Variants in NCAPD3 observed in about 807,000 individuals in gnomAD.
NCAPD3 encodes the protein condensin-2 complex subunit D3.
Under a neutral mutation model 182.9 loss-of-function variants are expected in NCAPD3, and 105 were observed. The ratio of observed to expected loss-of-function variants is 0.57; its 90% confidence interval spans 0.49 to 0.68. The LOEUF (loss-of-function observed/expected upper bound fraction) is 0.68, where lower values mean the gene tolerates loss of function less well. Ranked by LOEUF, NCAPD3 falls within the 30% of genes least tolerant of loss-of-function variation. The pLI, the probability that NCAPD3 is intolerant of heterozygous loss-of-function variation, is 0.00. For synonymous variants in NCAPD3, 815 were observed against 679.9 expected (o/e 1.20, Z -3.09); for missense variants, 1,944 against 1,837.0 (o/e 1.06, Z -1.07).
chr11:134,164,455 C>T (rs1322708759), intron 27 of NCAPD3, among the ~76,000 whole-genome samples: 1 of 152,208 alleles, frequency 6.6e-6, no homozygotes, highest in East Asian at 1.9e-4. Context: ...AGAGTTAAAG[C>T]CATCAGTAAG....
chr11:134,182,940 G>A, intron 19 of NCAPD3: 2 of 314,116 alleles, frequency 6.4e-6, no homozygotes, highest in East Asian at 9.5e-5. Context: ...GGTTGTGTCG[G>A]CAGATTAAAA....
At position 134,203,203 on chromosome 11, in the gene NCAPD3, A is replaced by G; in HGVS notation, c.1469-5T>C. The G allele has an allele frequency of 6.3e-7, 1 of 1,584,172 alleles. No homozygotes were observed. Among genetic ancestry groups the G allele is most frequent in the Non-Finnish European group, 8.7e-7 (1 of 1,153,576 alleles). The stretch of plus-strand genomic sequence containing the variant: ...CTATTACAGAAAACGTAGGACCTAA[A>G]AACAAGAAGAAAGATAAGAAGGAAG... On this transcript the variant is annotated splice_region_variant and splice_polypyrimidine_tract_variant and intron_variant, in intron 11 of 34. Coordinates refer to ENST00000534548, the MANE Select transcript of NCAPD3 (RefSeq NM_015261.3).
At position 134,202,909 on chromosome 11, in the gene NCAPD3, T is replaced by TAA; in HGVS notation, c.1526-6_1526-5dup. ...GTCTGCCTTTGGTAGGAAAAAGCTTTAAAAAAAAAATTACAGTCATTAAGC... is the reference window on the plus strand; with the variant it reads ...GTCTGCCTTTGGTAGGAAAAAGCTTTAAAAAAAAAAAATTACAGTCATTAAGC... On this transcript the variant is annotated splice_region_variant and splice_polypyrimidine_tract_variant and intron_variant, in intron 12 of 34. Coordinates refer to ENST00000534548, the MANE Select transcript of NCAPD3 (RefSeq NM_015261.3). 3.9e-6 allele frequency: 6 copies of TAA among 1,520,348 alleles called. No individual in the cohort carries two copies. Among genetic ancestry groups the TAA allele is most frequent in the Non-Finnish European group, 5.4e-6 (6 of 1,119,168 alleles). 94.2% of individuals were successfully genotyped at this position (1,520,348 alleles called of 1,614,324 possible). A position where few individuals can be genotyped will look rare whatever the true frequency, so the allele number is the denominator to read the frequency against.
chr11:134,210,300 C>T lies in NCAPD3; in HGVS notation c.537G>A (p.Arg179=). 6.2e-7 allele frequency: 1 copy of T among 1,613,724 alleles called. No individual in the cohort carries two copies. The highest frequency in any genetic ancestry group is 8.5e-7 in the Non-Finnish European group (1 of 1,179,924). ...SQANPGRHRK[R]GKPPRREDIE... is the part of the protein sequence containing the mutation. ...TATCTTCTCTCCTGGGTGGCTTTCC[C>T]CTTTTTCTATGCCTCCCGGGGTTAG... Residue 179 remains arginine, a synonymous_variant, in exon 4 of 35, where the codon AGG becomes AGA. Transcript: ENST00000534548.
chr11:134,196,515 G>A (rs1591850171), intron 13 of NCAPD3, among the ~76,000 whole-genome samples: 1 of 151,580 alleles, frequency 6.6e-6, no homozygotes, highest in Admixed American at 6.6e-5. Context: ...GTGTGGGGGC[G>A]GGTGCTTGTA....
At chr11:134,207,931 C>T (rs1047360472) in intron 7 of NCAPD3, among the ~76,000 whole-genome samples, 1 of 151,984 alleles carries the variant, frequency 6.6e-6, no homozygotes, top group African/African-American at 2.4e-5. Context: ...TATAAAATAC[C>T]GAATGTTTCT....
rs1285236005 is a variant in NCAPD3 at position 134,155,169 on chromosome 11, C to A, written c.4253-1806G>T. ...CCCCCACAGATTTTCAGTTAAAATC[C>A]TCGCTCTGAAAATTGACTAATTTTC... On this transcript the variant is annotated intron_variant, in intron 32 of 34. Coordinates refer to ENST00000534548, the MANE Select transcript of NCAPD3 (RefSeq NM_015261.3). 3.3e-5 allele frequency among the ~76,000 whole-genome samples: 5 copies of A among 152,116 alleles called. No individual in the cohort carries two copies. The East Asian group carries it at 9.6e-4, about 29-fold the overall frequency.
chr11:134,190,007 A>C (rs1245270492), intron 16 of NCAPD3, among the ~76,000 whole-genome samples: 2 of 152,228 alleles, frequency 1.3e-5, no homozygotes, highest in Admixed American at 1.3e-4. Flanking sequence ...ATTAAATGGA[A>C]GTCATTTACA....
At chr11:134,201,957 G>A (rs903044148) in intron 13 of NCAPD3, among the ~76,000 whole-genome samples, 4 of 152,150 alleles carry the variant, frequency 2.6e-5, no homozygotes, top group African/African-American at 7.2e-5. Context: ...TCCTCAGGGC[G>A]CTTTCTGTGC....
intron 22 of NCAPD3, chr11:134,177,882 C>CCTTTCTTTCTTTCTTT (rs35739849): frequency 0.072 from 11,043 of 153,334 alleles, 467 homozygotes; most frequent in Middle Eastern, 0.13. Flanking sequence ...ATGCATGTCC[C>CCTTTCTTTCTTTCTTT]CTTTCTTTCT....
At chr11:134,181,718 AAG>A (rs1944301255) in intron 19 of NCAPD3, among the ~76,000 whole-genome samples, 1 of 152,162 alleles carries the variant, frequency 6.6e-6, no homozygotes, top group Admixed American at 6.5e-5. Context: ...TATGCCAAGG[AAG>A]AGAGAGAGCT....
intron 27 of NCAPD3, among the ~76,000 whole-genome samples, chr11:134,165,769 G>A (rs1331229013): frequency 7.3e-6 from 1 of 137,416 alleles, no homozygotes; most frequent in Non-Finnish European, 1.5e-5. Context: ...CTTGGGGGAG[G>A]TACACACTCG....
intron 27 of NCAPD3, among the ~76,000 whole-genome samples, chr11:134,164,678 A>C (rs118039763): frequency 6.6e-6 from 1 of 150,564 alleles, no homozygotes; most frequent in Non-Finnish European, 1.5e-5. Context: ...GGGGAGCTGC[A>C]CACTCACTTG....
At chr11:134,189,871 CA>C (rs1412397139) in intron 16 of NCAPD3, among the ~76,000 whole-genome samples, 1 of 152,020 alleles carries the variant, frequency 6.6e-6, no homozygotes, top group African/African-American at 2.4e-5. Context: ...CTTCTTTTTG[CA>C]TTATTTTTCT....
At chr11:134,169,201 C>T (rs974593519) in intron 24 of NCAPD3, 147 bp from the exon 25 acceptor site, 16 of 713,892 alleles carry the variant, frequency 2.2e-5, no homozygotes, top group Admixed American at 7.6e-5. Flanking sequence ...CCCTCGGATC[C>T]AAAGAAGACA....
chr11:134,216,676 G>A (rs1938037728), intron 3 of NCAPD3, among the ~76,000 whole-genome samples: 1 of 152,052 alleles, frequency 6.6e-6, no homozygotes, highest in African/African-American at 2.4e-5. Flanking sequence ...GGTGGGCGTG[G>A]AACTCTTGCA....
intron 32 of NCAPD3, chr11:134,154,176 C>G (rs1263898533): frequency 6.6e-6 from 1 of 152,210 alleles, no homozygotes; most frequent in East Asian, 1.9e-4. Context: ...TGCTTAGCAT[C>G]GTGCTGGCTG....
intron 27 of NCAPD3, among the ~76,000 whole-genome samples, chr11:134,162,480 G>A (rs1445975471): frequency 6.6e-6 from 1 of 151,904 alleles, no homozygotes; most frequent in East Asian, 1.9e-4. Context: ...ATTCTCCAGT[G>A]AATCTCTTTA....
intron 16 of NCAPD3, among the ~76,000 whole-genome samples, chr11:134,187,127 C>A (rs907512708): frequency 1.1e-4 from 16 of 152,180 alleles, no homozygotes; most frequent in African/African-American, 3.4e-4. Flanking sequence ...CAGCCATTCC[C>A]CACCTGGGCA....
Sources: allele counts gnomAD v4.1 joint callset (sites outside exome capture counted in the v4.1 genomes callset), GRCh38; gene constraint gnomAD v4.1.1; transcripts MANE v1.5; gene names NCBI Gene and HGNC (gene_info 2026-07-23, HGNC 2026-07-21).